Variants in PRH1 observed in about 807,000 individuals in gnomAD.
The protein encoded by PRH1 is proline rich protein HaeIII subfamily 1.
Under a neutral mutation model 7.9 loss-of-function variants are expected in PRH1, and 7 were observed. The observed-to-expected ratio is 0.89, with a 90% confidence interval of 0.50 to 1.67. The LOEUF (loss-of-function observed/expected upper bound fraction) is 1.67. Ranked by LOEUF, PRH1 falls within the 40% of genes most tolerant of loss-of-function variation. The pLI, the probability that PRH1 is intolerant of heterozygous loss-of-function variation, is 0.00. For synonymous variants in PRH1, 45 were observed against 80.8 expected (o/e 0.56, Z 2.38); for missense variants, 109 against 223.6 (o/e 0.49, Z 3.27).
chr12:11,145,172 T>C (rs1946826235), intron 1 of PRH1, among the ~76,000 whole-genome samples: 1 of 152,272 alleles, frequency 6.6e-6, no homozygotes, highest in African/African-American at 2.4e-5. Flanking sequence ...CATGTGCCTA[T>C]ACTTTTTTTG....
At chr12:11,086,337 A>ACC in intron 1 of PRH1, among the ~76,000 whole-genome samples, 2 of 112,410 alleles carry the variant, frequency 1.8e-5, no homozygotes, top group Admixed American at 8.9e-5. Context: ...ACACTTAAAA[A>ACC]ACGTGTTCCA....
At chr12:10,884,537 T>A (rs1387079318), upstream of PRH1, among the ~76,000 whole-genome samples, 1 of 152,188 alleles carries the variant, frequency 6.6e-6, no homozygotes, top group Admixed American at 6.5e-5. Flanking sequence ...TTTAGACATC[T>A]TTTGGTTTTC....
chr12:11,104,781 A>G (rs1945362752), intron 1 of PRH1, among the ~76,000 whole-genome samples: 1 of 152,164 alleles, frequency 6.6e-6, no homozygotes, highest in Admixed American at 6.5e-5. Context: ...GGAGTAGTGT[A>G]TGAAAATTCC....
intron 1 of PRH1, among the ~76,000 whole-genome samples, chr12:11,124,730 T>C (rs546944298): frequency 1.3e-5 from 2 of 152,252 alleles, no homozygotes; most frequent in Non-Finnish European, 2.9e-5. Flanking sequence ...ATAATAATGA[T>C]GATAATGTCA....
chr12:10,905,093 G>C (rs1386195220), intron 2 of PRH1, among the ~76,000 whole-genome samples: 1 of 151,580 alleles, frequency 6.6e-6, no homozygotes, highest in Admixed American at 6.6e-5. Flanking sequence ...TGCAAATTAC[G>C]TCAGCCACTG....
At chr12:11,133,035 A>C in intron 1 of PRH1, 1 of 412,668 alleles carries the variant, frequency 2.4e-6, no homozygotes, top group East Asian at 3.7e-5. Flanking sequence ...TAATTGAGGA[A>C]TTTTTGTCAT....
At position 11,137,038 on chromosome 12, in the gene PRH1, C is replaced by T. The variant is rs550224492; in HGVS notation, n.40-15858G>A. Among the ~76,000 whole-genome samples, 366 of 151,716 alleles carry T rather than the reference C, an allele frequency of 2.4e-3. 1 individual carries two copies. The highest frequency in any genetic ancestry group is 8.4e-3 in the African/African-American group (347 of 41,420). On this transcript the variant is annotated intron_variant and non_coding_transcript_variant, in intron 1 of 1. Coordinates refer to the PRH1 transcript ENST00000541175. ...CATTCTCCTGCAACTTGGAAGAAAC[C>T]GGAAATTGATTTGATGTGAGTAGCT...
chr12:11,103,284 C>T (rs1000533546), intron 1 of PRH1, among the ~76,000 whole-genome samples: 3 of 152,056 alleles, frequency 2.0e-5, no homozygotes, highest in African/African-American at 7.2e-5. Context: ...GACTTGGAAC[C>T]AACCCAAATG....
chr12:11,115,928 G>A (rs1177442844), downstream of PRH1, among the ~76,000 whole-genome samples: 1 of 151,776 alleles, frequency 6.6e-6, no homozygotes, highest in Non-Finnish European at 1.5e-5. Flanking sequence ...AGCTATAAGG[G>A]CCTACATCAG....
chr12:11,068,200 G>A (rs376368615), intron 1 of PRH1, among the ~76,000 whole-genome samples: 12 of 149,946 alleles, frequency 8.0e-5, no homozygotes, highest in African/African-American at 1.9e-4. Flanking sequence ...GATATTTCCC[G>A]TTTATCTCCT....
intron 2 of PRH1, among the ~76,000 whole-genome samples, chr12:10,905,944 TG>T (rs1949796438): frequency 6.6e-6 from 1 of 152,214 alleles, no homozygotes; most frequent in African/African-American, 2.4e-5. Context: ...TAGTGTTTTT[TG>T]TGGGGACCAT....
rs146459378 is a variant in PRH1 at position 11,145,252 on chromosome 12, C to T, written n.40-24072G>A. ...CATTGCCCAGGTTGGAATACAGTGG[C>T]GCAATCTCGGGTCACTGCAACCTCT... On this transcript the variant is annotated intron_variant and non_coding_transcript_variant, in intron 1 of 1. Transcript: ENST00000541175. Among the ~76,000 whole-genome samples the T allele has an allele frequency of 2.6e-4, 39 of 152,232 alleles. No homozygotes were observed. In the South Asian group the frequency reaches 5.8e-3, roughly 23 times the overall value.
chr12:10,908,989 T>G (rs1268421306), intron 2 of PRH1: 2 of 1,613,626 alleles, frequency 1.2e-6, no homozygotes, highest in African/African-American at 2.7e-5. Context: ...TAAAAGATGC[T>G]GAAGATTGTA....
At chr12:11,167,735 C>T (rs956908436) in intron 1 of PRH1, among the ~76,000 whole-genome samples, 3 of 152,176 alleles carry the variant, frequency 2.0e-5, no homozygotes, top group Non-Finnish European at 2.9e-5. Flanking sequence ...TACCTGCTCA[C>T]CTTGTAACTT....
intron 2 of PRH1, chr12:10,939,281 G>T: frequency 1.2e-6 from 1 of 820,652 alleles, no homozygotes; most frequent in Non-Finnish European, 1.8e-6. Flanking sequence ...AAAATGCTAT[G>T]TATATCTGAT....
intron 2 of PRH1, among the ~76,000 whole-genome samples, chr12:10,960,962 C>T (rs115647521): frequency 1.3e-3 from 203 of 152,236 alleles, no homozygotes; most frequent in African/African-American, 4.3e-3. Flanking sequence ...ACATATTCCT[C>T]ATTTGAGGAT....
intron 2 of PRH1, chr12:10,939,203 C>A (rs757612514): frequency 3.2e-6 from 5 of 1,547,708 alleles, no homozygotes; most frequent in Non-Finnish European, 4.4e-6. Flanking sequence ...TATGACACCA[C>A]CCATTGCCTG....
intron 1 of PRH1, among the ~76,000 whole-genome samples, chr12:11,124,280 A>T (rs569292265): frequency 6.6e-6 from 1 of 152,290 alleles, no homozygotes; most frequent in Non-Finnish European, 1.5e-5. Flanking sequence ...CACTTTGCTT[A>T]TGTTGTAGAA....
Position 11,092,403 on chromosome 12 carries a change from T to C in PRH1, n.124-45215A>G. 3 of 348,178 alleles carry C rather than the reference T, an allele frequency of 8.6e-6. No individual in the cohort carries two copies. In the South Asian group the frequency reaches 8.6e-5, roughly 10 times the overall value. 21.6% of individuals were successfully genotyped at this position (348,178 alleles called of 1,614,324 possible). Reference sequence around the variant, plus strand: ...AAGAGTGAGCAACAGCAAGGTTTATTGAGAAGAGAGAAAGGACAAAGCTTC... The same window carrying C: ...AAGAGTGAGCAACAGCAAGGTTTATCGAGAAGAGAGAAAGGACAAAGCTTC... On this transcript the variant is annotated intron_variant and non_coding_transcript_variant, in intron 1 of 4. Transcript: ENST00000541977.
Sources: gnomAD v4.1 joint callset for allele counts (sites outside exome capture counted in the v4.1 genomes callset) on GRCh38, gnomAD v4.1.1 for gene constraint, MANE v1.5 for transcripts, NCBI Gene and HGNC (gene_info 2026-07-23, HGNC 2026-07-21) for gene names.